The following MAX variants were observed in gnomAD, a reference collection of about 807,000 sequenced individuals.
MAX encodes protein max.
A neutral mutation model predicts 22.3 loss-of-function variants in MAX; 3 were observed. That is an observed-to-expected ratio of 0.13 (90% confidence interval 0.06 to 0.35). The LOEUF (loss-of-function observed/expected upper bound fraction) is 0.35. MAX is among the 10% of genes least tolerant of loss of function. The pLI is 1.00. For missense variants in MAX, 119 were observed against 209.4 expected, an observed-to-expected ratio of 0.57 and a Z score of 2.66; for synonymous variants, 72 against 77.7, an observed-to-expected ratio of 0.93 and a Z score of 0.39.
At chr14:65,048,126 C>T (rs747694780) in intron 3 of MAX, among the ~76,000 whole-genome samples, 128 of 151,300 alleles carry the variant, frequency 8.5e-4, no homozygotes, top group Non-Finnish European at 6.5e-4. Context: ...GGATTACAGG[C>T]GTGTACCACC....
chr14:65,058,850 T>A (rs973753283), intron 3 of MAX, among the ~76,000 whole-genome samples: 2 of 152,200 alleles, frequency 1.3e-5, no homozygotes, highest in Non-Finnish European at 2.9e-5. Flanking sequence ...TACTGCTGGA[T>A]TCAGTTTGCC....
rs928839137 is a variant in MAX, at chr14:65,070,067, G to T, written c.171+23641C>A. 7.9e-5 allele frequency among the ~76,000 whole-genome samples: 12 copies of T among 151,602 alleles called. No individual in the cohort carries two copies. The highest frequency in any genetic ancestry group is 2.9e-4 in the African/African-American group (12 of 41,536). On this transcript the variant is annotated intron_variant, in intron 3 of 3. Coordinates refer to the MAX transcript ENST00000341653. The surrounding 1 kb of genome is among the most constrained non-coding windows in gnomAD (Gnocchi z 4.4). ...CAAGCACTGTGCATGGGAGCCATGG[G>T]CTGCCGGGCTGCCAGGCTGCCAGCC...
chr14:65,073,677 G>C (rs1262594826), downstream of MAX, among the ~76,000 whole-genome samples: 2 of 152,142 alleles, frequency 1.3e-5, no homozygotes, highest in Non-Finnish European at 2.9e-5. Context: ...GTATCCTGAG[G>C]GAATACTCAC....
chr14:65,052,039 C>G (rs1227621241), intron 3 of MAX, among the ~76,000 whole-genome samples: 1 of 152,066 alleles, frequency 6.6e-6, no homozygotes, highest in African/African-American at 2.4e-5. Flanking sequence ...TCGTGATCAA[C>G]CCCCCTCAGC....
chr14:65,067,938 G>A (rs75094660), intron 3 of MAX, among the ~76,000 whole-genome samples: 2,251 of 151,894 alleles, frequency 0.015, 29 homozygotes, highest in Admixed American at 0.024. Flanking sequence ...CAGACCATGC[G>A]TAACAGTTTT....
chr14:65,020,080 C>T (rs1042787395), intron 3 of MAX, among the ~76,000 whole-genome samples: 1 of 152,222 alleles, frequency 6.6e-6, no homozygotes. Flanking sequence ...GCCCCCTACA[C>T]TTACACAAAG....
intron 3 of MAX, among the ~76,000 whole-genome samples, chr14:65,049,932 C>A (rs1422956907): frequency 6.6e-6 from 1 of 151,746 alleles, no homozygotes; most frequent in African/African-American, 2.4e-5. Flanking sequence ...AAAAGGAAAT[C>A]GTGAAGGAAA....
Position 65,075,344 on chromosome 14 carries a change from A to G in MAX, c.*1132T>C. 1 of 1,063,596 alleles carries G rather than the reference A, an allele frequency of 9.4e-7. No homozygotes were observed. Among genetic ancestry groups the G allele is most frequent in the Non-Finnish European group, 1.1e-6 (1 of 877,962 alleles). 65.9% of individuals were successfully genotyped at this position (1,063,596 alleles called of 1,614,324 possible). ...GAGGCCTAAACACACAAAACCCTTC[A>G]CTGGCATCTGCTGACCACAGCCAGA... On this transcript the variant is annotated 3_prime_UTR_variant, in exon 5 of 5. Coordinates refer to ENST00000358664, the MANE Select transcript of MAX (RefSeq NM_002382.5). The surrounding 1 kb of genome is among the most constrained non-coding windows in gnomAD (Gnocchi z 4.1).
chr14:65,032,485 C>G lies in MAX; in HGVS notation c.172-26201G>C. 1 of 967,226 alleles carries G rather than the reference C, an allele frequency of 1.0e-6. No homozygotes were observed. The highest frequency in any genetic ancestry group is 1.5e-6 in the Non-Finnish European group (1 of 676,378). 59.9% of individuals were successfully genotyped at this position (967,226 alleles called of 1,614,324 possible). Reference sequence around the variant, plus strand: ...GAGACCCAGGAGGACTGACCGTGTGCCAAGAGTGAGGACAGGAGGTGATTA... The same window carrying G: ...GAGACCCAGGAGGACTGACCGTGTGGCAAGAGTGAGGACAGGAGGTGATTA... On this transcript the variant is annotated intron_variant, in intron 3 of 3. Transcript: ENST00000341653. The surrounding 1 kb of genome is among the most constrained non-coding windows in gnomAD (Gnocchi z 5.0).
rs774043759 is a variant in MAX, at chr14:65,032,387, G to C, written c.172-26103C>G. On this transcript the variant is annotated intron_variant, in intron 3 of 3. Transcript: ENST00000341653. This position sits in a 1 kb window ranked among gnomAD's most constrained non-coding sequence, Gnocchi z 5.0. ...GGACCATGTGGAGGTAGGGAGAATA[G>C]AATGTCATGTTCTTTCACTGAAGCC... is the stretch of plus-strand genomic sequence containing the variant. 4.5e-6 allele frequency: 2 copies of C among 448,348 alleles called. No individual in the cohort carries two copies. The highest frequency in any genetic ancestry group is 7.9e-6 in the Non-Finnish European group (2 of 252,402). 27.8% of individuals were successfully genotyped at this position (448,348 alleles called of 1,614,324 possible). A position where few individuals can be genotyped will look rare whatever the true frequency, so the allele number is the denominator to read the frequency against.
intron 3 of MAX, among the ~76,000 whole-genome samples, chr14:65,087,769 A>G (rs1450043249): frequency 6.6e-6 from 1 of 152,168 alleles, no homozygotes; most frequent in East Asian, 1.9e-4. Flanking sequence ...AGTTAAGACA[A>G]GGCACGATTG....
intron 3 of MAX, among the ~76,000 whole-genome samples, chr14:65,068,504 G>A (rs947194315): frequency 6.6e-6 from 1 of 152,118 alleles, no homozygotes; most frequent in Non-Finnish European, 1.5e-5. Context: ...TAAACTACCC[G>A]GAATTCTACA....
rs530596362 is a variant in MAX, at chr14:65,083,227, T to A, written c.172-5191A>T. 3.3e-5 allele frequency among the ~76,000 whole-genome samples: 5 copies of A among 152,166 alleles called. No individual in the cohort carries two copies. The East Asian group carries it at 9.6e-4, about 29-fold the overall frequency. On this transcript the variant is annotated intron_variant, in intron 3 of 4. Transcript: ENST00000358664. ...GTCAGACCTCTGCTTTTGAACAGCA[T>A]CCACCCACCCCACACATCACAGCAA...
At chr14:65,061,621 G>A in intron 3 of MAX, 1 of 277,986 alleles carries the variant, frequency 3.6e-6, no homozygotes, top group East Asian at 7.0e-5. Context: ...CGATCACACA[G>A]AGATGAATGG....
chr14:65,006,260 G>A (rs2139487400), exon 4 of MAX: 7 of 1,613,806 alleles, frequency 4.3e-6, no homozygotes, highest in Non-Finnish European at 5.1e-6. Flanking sequence ...AAGACAGGTG[G>A]GAGGGTTAAC....
chr14:65,012,177 AGTTG>A lies in MAX; in HGVS notation c.172-5897_172-5894del. ...TTTAGTTGCTCTTTGGAACCAGAGA[AGTTG>A]CTGGTTATCCAGTCAGTGATTGCAG... On this transcript the variant is annotated intron_variant, in intron 3 of 3. Coordinates refer to the MAX transcript ENST00000341653. The surrounding 1 kb of genome is among the most constrained non-coding windows in gnomAD (Gnocchi z 5.0). 5.3e-6 allele frequency: 5 copies of A among 937,810 alleles called. No individual in the cohort carries two copies. Among genetic ancestry groups the A allele is most frequent in the Admixed American group, 2.4e-5 (1 of 42,442 alleles). The allele number at this position is 937,810 out of a possible 1,614,324, so 58.1% of individuals were successfully genotyped here.
intron 3 of MAX, chr14:65,041,068 C>A: frequency 7.4e-7 from 1 of 1,348,824 alleles, no homozygotes; most frequent in Non-Finnish European, 9.9e-7. Context: ...TGAGCAGCTG[C>A]TCTGTCTTGG....
chr14:65,056,653 G>A (rs2139685213), intron 3 of MAX, among the ~76,000 whole-genome samples: 1 of 152,258 alleles, frequency 6.6e-6, no homozygotes, highest in East Asian at 1.9e-4. Context: ...TTCATATTCT[G>A]TGCTCATTTT....
In MAX at chr14:65,054,668, G is replaced by C. The variant is rs1390345431; in HGVS notation, c.171+39040C>G. ...GAGCCATGTTGCATGATGTGGTCCT[G>C]GGTGTGCCCGAAAACGCTCTGGTAA... is the stretch of plus-strand genomic sequence containing the variant. On this transcript the variant is annotated intron_variant, in intron 3 of 3. Transcript: ENST00000341653. The surrounding 1 kb of genome is among the most constrained non-coding windows in gnomAD (Gnocchi z 4.4). 3.1e-6 allele frequency: 5 copies of C among 1,612,234 alleles called. No individual in the cohort carries two copies. The highest frequency in any genetic ancestry group is 3.4e-6 in the Non-Finnish European group (4 of 1,179,240).
Sources: allele counts gnomAD v4.1 joint callset (sites outside exome capture counted in the v4.1 genomes callset), GRCh38; gene constraint gnomAD v4.1.1; non-coding constraint Gnocchi (gnomAD v3.1); transcripts MANE v1.5; gene names NCBI Gene and HGNC (gene_info 2026-07-23, HGNC 2026-07-21).